NRDC: variants seen among roughly 807,000 people sequenced by gnomAD.
The protein encoded by NRDC is nardilysin convertase, also known as nardilysin.
A neutral mutation model predicts 147.1 loss-of-function variants in NRDC; 54 were observed. The observed-to-expected ratio is 0.37, with a 90% confidence interval of 0.29 to 0.46. The LOEUF is 0.46. NRDC is among the 20% of genes least tolerant of loss of function. NRDC has a pLI of 1.00. For missense variants in NRDC, 1,082 were observed against 1,370.6 expected, an observed-to-expected ratio of 0.79 and a Z score of 3.33; for synonymous variants, 440 against 482.1, an observed-to-expected ratio of 0.91 and a Z score of 1.14.
At position 51,800,569 on chromosome 1, in the gene NRDC, C is replaced by T; in HGVS notation, c.2428G>A (p.Glu810Lys). 1 of 1,613,858 alleles carries T rather than the reference C, an allele frequency of 6.2e-7. No homozygotes were observed. The highest frequency in any genetic ancestry group is 1.1e-5 in the South Asian group (1 of 90,998). ...KTYFNILIKP[E>K]TLAKDVRLLI... ...ATTTATACCCACTTGGCCAAAGTCTCGGGCTTGATGAGGATGTTAAAGTAG... is the reference window on the plus strand; with the variant it reads ...ATTTATACCCACTTGGCCAAAGTCTTGGGCTTGATGAGGATGTTAAAGTAG... The change falls in exon 21 of 31, where the codon GAG (glutamate) becomes AAG (lysine). Residue 810 changes from glutamate to lysine, a missense_variant. Transcript: ENST00000352171.
At chr1:51,843,860 G>A (rs1375685368) in intron 1 of NRDC, among the ~76,000 whole-genome samples, 1 of 150,214 alleles carries the variant, frequency 6.7e-6, no homozygotes, top group African/African-American at 2.5e-5. Context: ...ACCAACTCAG[G>A]TTGGGGGAAA....
rs538180778 is a variant in NRDC at position 51,821,865 on chromosome 1, T to A, written c.1160-310A>T. ...TGTGAAGGACCAAGAGATAAGATTATGCCAACCATCCTACGCCCATTCTAA... is the reference window on the plus strand; with the variant it reads ...TGTGAAGGACCAAGAGATAAGATTAAGCCAACCATCCTACGCCCATTCTAA... On this transcript the variant is annotated intron_variant, in intron 7 of 30. Coordinates refer to ENST00000352171, the MANE Select transcript of NRDC (RefSeq NM_001101662.2). Among the ~76,000 whole-genome samples, 9 of 152,308 alleles carry A rather than the reference T, an allele frequency of 5.9e-5. No individual in the cohort carries two copies. In the South Asian group the frequency reaches 1.9e-3, roughly 32 times the overall value.
chr1:51,798,179 G>T, intron 22 of NRDC, 70 bp downstream of exon 22: 1 of 1,499,946 alleles, frequency 6.7e-7, no homozygotes, highest in Non-Finnish European at 9.2e-7. Context: ...TCCCCTTTAG[G>T]AAAGAACTAT....
rs1349281194 is a variant in NRDC at position 51,809,476 on chromosome 1, C to A, written c.1904-75G>T. 4.2e-6 allele frequency: 4 copies of A among 960,626 alleles called. No individual in the cohort carries two copies. In the Admixed American group the frequency reaches 6.9e-5, roughly 17 times the overall value. 59.5% of individuals were successfully genotyped at this position (960,626 alleles called of 1,614,324 possible). On this transcript the variant is annotated intron_variant, in intron 16 of 30. Transcript: ENST00000352171. Reference sequence around the variant, plus strand: ...ATTCTCTTAATAATAAACTAGTTATCAACTGGCTTACAAATCAATTATCCT... The same window carrying A: ...ATTCTCTTAATAATAAACTAGTTATAAACTGGCTTACAAATCAATTATCCT...
intron 1 of NRDC, among the ~76,000 whole-genome samples, chr1:51,863,013 GAAAAAAAAAAAAA>G (rs562410956): frequency 2.2e-4 from 7 of 32,048 alleles, no homozygotes; most frequent in African/African-American, 5.8e-4. Context: ...CTGTGTGGAG[GAAAAAAAAAAAAA>G]AAAAAAAAAA....
At chr1:51,846,294 A>G (rs942103842) in intron 1 of NRDC, among the ~76,000 whole-genome samples, 1 of 151,994 alleles carries the variant, frequency 6.6e-6, no homozygotes, top group Non-Finnish European at 1.5e-5. Context: ...TTTATTTTTA[A>G]TAGAGACGGG....
chr1:51,821,039 A>G (rs1435184268), intron 8 of NRDC, among the ~76,000 whole-genome samples: 1 of 152,154 alleles, frequency 6.6e-6, no homozygotes, highest in Non-Finnish European at 1.5e-5. Context: ...TAAGTTTTTC[A>G]GGCAGTATGG....
intron 11 of NRDC, among the ~76,000 whole-genome samples, chr1:51,815,733 C>T (rs948738324): frequency 6.6e-6 from 1 of 152,172 alleles, no homozygotes; most frequent in Non-Finnish European, 1.5e-5. Context: ...TCATACTATT[C>T]ATTTATAGAA....
At chr1:51,864,637 A>AT (rs1228831515) in intron 1 of NRDC, among the ~76,000 whole-genome samples, 1 of 151,430 alleles carries the variant, frequency 6.6e-6, no homozygotes, top group Non-Finnish European at 1.5e-5. Context: ...GGTTATCCAT[A>AT]TTTTTTTTTA....
intron 1 of NRDC, among the ~76,000 whole-genome samples, chr1:51,863,013 G>GGAAAAAAAAAAAAA (rs1553219028): frequency 3.1e-5 from 1 of 32,048 alleles, no homozygotes. Context: ...CTGTGTGGAG[G>GGAAAAAAAAAAAAA]AAAAAAAAAA....
Position 51,803,822 on chromosome 1 carries a change from T to A in NRDC, c.2305A>T (p.Lys769Ter). ...AGAGTACTTGTACTTACAGGTAGTT[T>A]GTGGTTAAATCCTTTCACTCGAATA... ...LIIRVKGFNHKLPLLFQLIID... is the reference protein window; with the variant it reads ...LIIRVKGFNH Residue 769 changes from lysine (K) to a stop codon, truncating the protein, a stop_gained, in exon 20 of 31, where the codon AAA (lysine) becomes TAA (stop). Coordinates refer to ENST00000352171, the MANE Select transcript of NRDC (RefSeq NM_001101662.2). LOFTEE classifies it high-confidence loss of function. 1 of 1,612,152 alleles carries A rather than the reference T, an allele frequency of 6.2e-7. No individual in the cohort carries two copies. The highest frequency in any genetic ancestry group is 8.5e-7 in the Non-Finnish European group (1 of 1,179,156).
chr1:51,878,516 C>G lies in NRDC; in HGVS notation c.100G>C (p.Gly34Arg), dbSNP rs1428442670. The change falls in exon 1 of 31, where the codon GGT becomes CGT. Residue 34 changes from glycine (G) to arginine (R), a missense_variant. Transcript: ENST00000352171. ...LAALWGIETR[G>R]RCEDSAAARP... ...GCAGCAGCAGAGTCTTCGCACCGACCCCGCGTTTCGATTCCCCAGAGCGCC... is the reference window on the plus strand; with the variant it reads ...GCAGCAGCAGAGTCTTCGCACCGACGCCGCGTTTCGATTCCCCAGAGCGCC... 6.2e-7 allele frequency: 1 copy of G among 1,613,836 alleles called. No individual in the cohort carries two copies. The highest frequency in any genetic ancestry group is 2.2e-5 in the East Asian group (1 of 44,870).
chr1:51,852,388 CAA>C (rs936225893), intron 1 of NRDC, among the ~76,000 whole-genome samples: 8 of 150,060 alleles, frequency 5.3e-5, no homozygotes, highest in African/African-American at 1.9e-4. Context: ...ACTCTATACT[CAA>C]AAGTCTAATT....
intron 1 of NRDC, among the ~76,000 whole-genome samples, chr1:51,847,392 T>C (rs965523744): frequency 1.3e-5 from 2 of 152,210 alleles, no homozygotes; most frequent in Admixed American, 1.3e-4. Flanking sequence ...TCCTCAGCCC[T>C]TGGGCGATGG....
intron 2 of NRDC, among the ~76,000 whole-genome samples, chr1:51,837,299 A>G (rs1190975229): frequency 6.6e-6 from 1 of 152,246 alleles, no homozygotes; most frequent in Non-Finnish European, 1.5e-5. Flanking sequence ...AATAGCATGT[A>G]CCTGGCATAA....
intron 1 of NRDC, among the ~76,000 whole-genome samples, chr1:51,844,077 G>A (rs1446334014): frequency 6.6e-6 from 1 of 152,068 alleles, no homozygotes; most frequent in Non-Finnish European, 1.5e-5. Context: ...TTGTCATCGT[G>A]TCTAATCTCC....
At chr1:51,811,420 C>T (rs769385675) in intron 15 of NRDC, among the ~76,000 whole-genome samples, 1 of 152,082 alleles carries the variant, frequency 6.6e-6, no homozygotes, top group South Asian at 2.1e-4. Flanking sequence ...AAAATGTCTC[C>T]GGACAGTGAT....
intron 5 of NRDC, among the ~76,000 whole-genome samples, chr1:51,825,730 C>G (rs1171969304): frequency 1.3e-5 from 2 of 152,102 alleles, no homozygotes; most frequent in Admixed American, 1.3e-4. Context: ...GGAATTTGGT[C>G]ATATATATTG....
At chr1:51,821,183 T>C (rs1680193242) in intron 8 of NRDC, among the ~76,000 whole-genome samples, 1 of 152,186 alleles carries the variant, frequency 6.6e-6, no homozygotes, top group Non-Finnish European at 1.5e-5. Flanking sequence ...GTGCATATTC[T>C]TCTGCCTCTC....
Sources: gnomAD v4.1 joint callset for allele counts (sites outside exome capture counted in the v4.1 genomes callset) on GRCh38, gnomAD v4.1.1 for gene constraint, MANE v1.5 for transcripts, NCBI Gene and HGNC (gene_info 2026-07-23, HGNC 2026-07-21) for gene names.